Variants in CMIP observed in about 807,000 individuals in gnomAD.
CMIP encodes the protein C-Maf-inducing protein.
A neutral mutation model predicts 97.3 loss-of-function variants in CMIP; 13 were observed. That is an observed-to-expected ratio of 0.13 (90% confidence interval 0.09 to 0.21). The LOEUF (loss-of-function observed/expected upper bound fraction) is 0.21, where lower values mean the gene tolerates loss of function less well. CMIP is among the 10% of genes least tolerant of loss of function. CMIP has a pLI of 1.00. For missense variants in CMIP, 847 were observed against 1,024.9 expected, an observed-to-expected ratio of 0.83 and a Z score of 2.37; for synonymous variants, 538 against 436.3, an observed-to-expected ratio of 1.23 and a Z score of -2.91.
intron 1 of CMIP, among the ~76,000 whole-genome samples, chr16:81,504,615 C>T (rs1467283720): frequency 1.4e-5 from 2 of 139,674 alleles, no homozygotes; most frequent in African/African-American, 5.4e-5. Flanking sequence ...CGCACTCCAG[C>T]CTCGGCGACA....
chr16:81,589,577 C>G (rs1597121391), intron 1 of CMIP, among the ~76,000 whole-genome samples: 1 of 152,010 alleles, frequency 6.6e-6, no homozygotes, highest in African/African-American at 2.4e-5. Context: ...GCCGGGCACT[C>G]TGGTCTCTCT....
chr16:81,587,289 G>A (rs1338609942), intron 1 of CMIP, among the ~76,000 whole-genome samples: 4 of 152,362 alleles, frequency 2.6e-5, no homozygotes, highest in Admixed American at 2.6e-4. Flanking sequence ...CTGTACCAGC[G>A]ATTAAACATT....
intron 3 of CMIP, among the ~76,000 whole-genome samples, chr16:81,646,712 A>G (rs1011159282): frequency 2.6e-5 from 4 of 152,246 alleles, no homozygotes; most frequent in East Asian, 3.8e-4. Flanking sequence ...GACATTTCAC[A>G]TAAGAGAAAT....
At chr16:81,604,040 A>G (rs1156358858) in intron 1 of CMIP, among the ~76,000 whole-genome samples, 1 of 152,182 alleles carries the variant, frequency 6.6e-6, no homozygotes, top group Non-Finnish European at 1.5e-5. Context: ...TTGGTCCTAA[A>G]AAGTCTGCTT....
intron 1 of CMIP, among the ~76,000 whole-genome samples, chr16:81,506,389 G>C (rs1317903712): frequency 6.6e-6 from 1 of 152,100 alleles, no homozygotes; most frequent in African/African-American, 2.4e-5. Flanking sequence ...CTTAAGAGGT[G>C]GATCTTGCCT....
intron 9 of CMIP, among the ~76,000 whole-genome samples, chr16:81,676,734 A>G (rs931473844): frequency 1.3e-5 from 2 of 152,184 alleles, no homozygotes; most frequent in Admixed American, 6.5e-5. Context: ...TGCTGGATAC[A>G]TTCAGACCCT....
At chr16:81,521,819 G>A (rs1215368230) in intron 1 of CMIP, among the ~76,000 whole-genome samples, 1 of 152,160 alleles carries the variant, frequency 6.6e-6, no homozygotes, top group East Asian at 1.9e-4. Context: ...CTACAATTGG[G>A]AGTTGGCCGA....
intron 1 of CMIP, among the ~76,000 whole-genome samples, chr16:81,546,669 G>C (rs991120180): frequency 6.6e-6 from 1 of 152,156 alleles, no homozygotes; most frequent in Non-Finnish European, 1.5e-5. Context: ...ATTATCGTGC[G>C]GGGTGAGAAA....
At chr16:81,645,968 A>G (rs1322239568) in intron 3 of CMIP, among the ~76,000 whole-genome samples, 1 of 152,104 alleles carries the variant, frequency 6.6e-6, no homozygotes, top group Non-Finnish European at 1.5e-5. Context: ...TGCTTTGTTC[A>G]CCATGGTTAT....
At chr16:81,578,474 CAGAG>C (rs914425755) in intron 1 of CMIP, among the ~76,000 whole-genome samples, 4 of 152,226 alleles carry the variant, frequency 2.6e-5, no homozygotes, top group African/African-American at 7.2e-5. Flanking sequence ...GGGAAGAACA[CAGAG>C]AGAGTTCTCC....
chr16:81,454,971 C>T (rs1429247441), intron 1 of CMIP, among the ~76,000 whole-genome samples: 8 of 152,102 alleles, frequency 5.3e-5, no homozygotes, highest in South Asian at 2.1e-4. Flanking sequence ...GGGCACATTC[C>T]GGGAGTCTGT....
intron 1 of CMIP, among the ~76,000 whole-genome samples, chr16:81,449,672 C>G (rs957385938): frequency 6.1e-5 from 9 of 146,832 alleles, no homozygotes; most frequent in Non-Finnish European, 1.3e-4. Flanking sequence ...ACAGATTTCC[C>G]CCCCCCCCTT....
At chr16:81,625,012 A>G (rs1045389047) in intron 3 of CMIP, among the ~76,000 whole-genome samples, 1 of 152,198 alleles carries the variant, frequency 6.6e-6, no homozygotes, top group Non-Finnish European at 1.5e-5. Context: ...TTCTGTTCTT[A>G]TCAACATTTG....
At chr16:81,664,801 C>T (rs1173962040) in intron 7 of CMIP, 2 of 300,796 alleles carry the variant, frequency 6.6e-6, no homozygotes, top group Non-Finnish European at 1.2e-5. Context: ...TCAAGGTCAA[C>T]ATCGACAACA....
intron 1 of CMIP, among the ~76,000 whole-genome samples, chr16:81,461,570 C>A (rs1237872897): frequency 6.6e-6 from 1 of 152,204 alleles, no homozygotes; most frequent in East Asian, 1.9e-4. Context: ...CAGCTTCTTT[C>A]ACTGCATAGA....
At chr16:81,529,459 G>T (rs1244627297) in intron 1 of CMIP, among the ~76,000 whole-genome samples, 1 of 152,186 alleles carries the variant, frequency 6.6e-6, no homozygotes, top group South Asian at 2.1e-4. Flanking sequence ...TCGAGGAGAT[G>T]GGCTGTGAAA....
intron 10 of CMIP, among the ~76,000 whole-genome samples, chr16:81,681,841 G>T (rs1904904629): frequency 6.6e-6 from 1 of 152,208 alleles, no homozygotes; most frequent in Non-Finnish European, 1.5e-5. Context: ...TGTCTTCTCG[G>T]AGGACTGCAT....
At chr16:81,542,917 C>T (rs2090475488) in intron 1 of CMIP, among the ~76,000 whole-genome samples, 1 of 152,232 alleles carries the variant, frequency 6.6e-6, no homozygotes, top group Non-Finnish European at 1.5e-5. Flanking sequence ...CACGGAAGAA[C>T]AGAGAGAAGG....
intron 13 of CMIP, among the ~76,000 whole-genome samples, chr16:81,693,878 C>A (rs1016378811): frequency 6.6e-6 from 1 of 152,180 alleles, no homozygotes; most frequent in Admixed American, 6.5e-5. Context: ...TTTTATTTCC[C>A]GGTCATGGTG....
Sources: allele counts gnomAD v4.1 joint callset (sites outside exome capture counted in the v4.1 genomes callset), GRCh38; gene constraint gnomAD v4.1.1; transcripts MANE v1.5; gene names NCBI Gene and HGNC (gene_info 2026-07-23, HGNC 2026-07-21).